Variants in SEZ6L observed in about 807,000 individuals in gnomAD.
SEZ6L encodes seizure 6-like protein.
Under a neutral mutation model 106.2 loss-of-function variants are expected in SEZ6L, and 37 were observed. The observed-to-expected ratio is 0.35, with a 90% CI of 0.27 to 0.46. The LOEUF is 0.46. Among genes scored for constraint, SEZ6L ranks in the 20% least tolerant of loss-of-function variants. SEZ6L has a pLI of 1.00. For synonymous variants in SEZ6L, 541 were observed against 570.4 expected, an observed-to-expected ratio of 0.95 and a Z score of 0.73; for missense variants, 1,172 against 1,332.8, an observed-to-expected ratio of 0.88 and a Z score of 1.88.
intron 1 of SEZ6L, among the ~76,000 whole-genome samples, chr22:26,239,340 A>C (rs1333395320): frequency 2.0e-5 from 3 of 152,334 alleles, no homozygotes; most frequent in East Asian, 3.9e-4. Flanking sequence ...GTAGATGGTC[A>C]AGAAGCACTT....
At chr22:26,342,652 C>T (rs186412925) in intron 10 of SEZ6L, among the ~76,000 whole-genome samples, 8 of 152,174 alleles carry the variant, frequency 5.3e-5, no homozygotes, top group Non-Finnish European at 8.8e-5. Context: ...GCCAAGATTG[C>T]GCCACTGACT....
At chr22:26,175,267 T>G (rs1938901461) in intron 1 of SEZ6L, among the ~76,000 whole-genome samples, 1 of 152,202 alleles carries the variant, frequency 6.6e-6, no homozygotes, top group South Asian at 2.1e-4. Flanking sequence ...ACAATTTTAT[T>G]TATAGGCAAC....
chr22:26,379,853 A>G (rs1330426724), intron 16 of SEZ6L, among the ~76,000 whole-genome samples: 2 of 152,222 alleles, frequency 1.3e-5, no homozygotes, highest in South Asian at 4.1e-4. Context: ...TCTGAACTCA[A>G]TGGCTTAATG....
At chr22:26,219,187 A>C (rs2078384366) in intron 1 of SEZ6L, among the ~76,000 whole-genome samples, 1 of 151,274 alleles carries the variant, frequency 6.6e-6, no homozygotes, top group Non-Finnish European at 1.5e-5. Flanking sequence ...GGGCGGCTGT[A>C]ATGTTTAAAT....
At chr22:26,338,796 T>A (rs2145984296) in intron 9 of SEZ6L, among the ~76,000 whole-genome samples, 1 of 149,736 alleles carries the variant, frequency 6.7e-6, no homozygotes, top group Non-Finnish European at 1.5e-5. Context: ...GACCTCGTGA[T>A]CCTCCTGCCT....
At chr22:26,334,392 G>A (rs556361783) in intron 9 of SEZ6L, among the ~76,000 whole-genome samples, 5 of 152,242 alleles carry the variant, frequency 3.3e-5, no homozygotes, top group African/African-American at 7.2e-5. Context: ...GTGGCTTTTC[G>A]TGGCTGGCTT....
chr22:26,275,671 C>T lies in SEZ6L; in HGVS notation c.95-16735C>T, dbSNP rs183547833. ...CTCAGTTTGCCCATCTGTAAAATGA[C>T]GGTGCTAGGCCAGCACCCCCACCTC... is the stretch of plus-strand genomic sequence containing the variant. On this transcript the variant is annotated intron_variant, in intron 1 of 16. Coordinates refer to ENST00000248933, the MANE Select transcript of SEZ6L (RefSeq NM_021115.5). Among the ~76,000 whole-genome samples, 503 of 152,284 alleles carry T rather than the reference C, an allele frequency of 3.3e-3. 11 individuals carry two copies. The highest frequency in any genetic ancestry group is 4.8e-3 in the Admixed American group (73 of 15,300).
chr22:26,286,005 G>A (rs1296877356), intron 1 of SEZ6L, among the ~76,000 whole-genome samples: 1 of 152,190 alleles, frequency 6.6e-6, no homozygotes, highest in Non-Finnish European at 1.5e-5. Flanking sequence ...CCCCAGTGGG[G>A]CCAAACAATC....
rs73879861 is a variant in SEZ6L at position 26,255,773 on chromosome 22, A to G, written c.95-36633A>G. Among the ~76,000 whole-genome samples the G allele has an allele frequency of 2.7e-3, 414 of 152,296 alleles. 3 individuals carry two copies. The highest frequency in any genetic ancestry group is 9.4e-3 in the African/African-American group (392 of 41,570). The stretch of plus-strand genomic sequence containing the variant: ...TTGTCTATCTGACCTCGCAGTGTTG[A>G]GCACCTGCTCAGGGAAGGCTTGGTG... On this transcript the variant is annotated intron_variant, in intron 1 of 16. Coordinates refer to ENST00000248933, the MANE Select transcript of SEZ6L (RefSeq NM_021115.5).
At chr22:26,266,058 A>G (rs1463480938) in intron 1 of SEZ6L, among the ~76,000 whole-genome samples, 1 of 152,154 alleles carries the variant, frequency 6.6e-6, no homozygotes, top group African/African-American at 2.4e-5. Flanking sequence ...CTGTCAAGCT[A>G]GTCAAGGCCA....
chr22:26,239,452 T>G (rs1381165771), intron 1 of SEZ6L, among the ~76,000 whole-genome samples: 1 of 152,186 alleles, frequency 6.6e-6, no homozygotes, highest in Non-Finnish European at 1.5e-5. Flanking sequence ...TTTTATCCAG[T>G]GAGACCATGA....
chr22:26,316,758 G>A (rs1335528488), intron 9 of SEZ6L, among the ~76,000 whole-genome samples: 1 of 151,872 alleles, frequency 6.6e-6, no homozygotes, highest in Non-Finnish European at 1.5e-5. Flanking sequence ...CCTGAACCCG[G>A]GAGGTGGAGA....
intron 15 of SEZ6L, 64 bp downstream of exon 15, chr22:26,375,753 C>T (rs143353335): frequency 1.1e-3 from 1,329 of 1,230,498 alleles, no homozygotes; most frequent in Non-Finnish European, 1.4e-3. Context: ...AGGGACTGGG[C>T]GGTTCACCTC....
At chr22:26,190,992 A>G (rs1261125413) in intron 1 of SEZ6L, among the ~76,000 whole-genome samples, 8 of 152,212 alleles carry the variant, frequency 5.3e-5, no homozygotes, top group Admixed American at 4.6e-4. Flanking sequence ...TACCTTCTGC[A>G]GGAGAAAGCA....
At position 26,190,680 on chromosome 22, in the gene SEZ6L, T is replaced by C. The variant is rs138448002; in HGVS notation, c.94+20917T>C. Among the ~76,000 whole-genome samples the C allele has an allele frequency of 4.4e-3, 666 of 152,262 alleles. 2 individuals are homozygous for C. Among genetic ancestry groups the C allele is most frequent in the African/African-American group, 0.015 (637 of 41,546 alleles). ...AGGCTGGAACCATGTAGGACCCTGA[T>C]TGGCCAGCCCTGACCTCCCCCAACA... On this transcript the variant is annotated intron_variant, in intron 1 of 16. Transcript: ENST00000248933.
chr22:26,377,432 C>T (rs1403744691), intron 15 of SEZ6L, among the ~76,000 whole-genome samples: 2 of 152,144 alleles, frequency 1.3e-5, no homozygotes, highest in African/African-American at 4.8e-5. Context: ...CCGCCCCCTC[C>T]CTAGTAAGGA....
At chr22:26,270,590 C>T (rs1410735527) in intron 1 of SEZ6L, among the ~76,000 whole-genome samples, 2 of 152,048 alleles carry the variant, frequency 1.3e-5, no homozygotes, top group African/African-American at 4.8e-5. Flanking sequence ...GCTATAGACA[C>T]CTTCAGTGCT....
chr22:26,346,852 A>G (rs933997813), intron 10 of SEZ6L, among the ~76,000 whole-genome samples: 2 of 152,150 alleles, frequency 1.3e-5, no homozygotes, highest in Non-Finnish European at 1.5e-5. Flanking sequence ...GAAGCCACCC[A>G]GGGCCACTTT....
intron 1 of SEZ6L, among the ~76,000 whole-genome samples, chr22:26,203,599 A>G (rs1057450519): frequency 6.6e-6 from 1 of 152,230 alleles, no homozygotes; most frequent in Non-Finnish European, 1.5e-5. Flanking sequence ...TCACAGGAAC[A>G]CTTACTAAGC....
Sources: gnomAD v4.1 joint callset for allele counts (sites outside exome capture counted in the v4.1 genomes callset) on GRCh38, gnomAD v4.1.1 for gene constraint, MANE v1.5 for transcripts, NCBI Gene and HGNC (gene_info 2026-07-23, HGNC 2026-07-21) for gene names.